The following RBPJ variants were observed in gnomAD, a reference collection of about 807,000 sequenced individuals.
RBPJ encodes the protein recombination signal binding protein for immunoglobulin kappa J region.
RBPJ carries 9 observed loss-of-function variants against 67.8 expected under a neutral mutation model. The observed-to-expected ratio is 0.13, with a 90% CI of 0.08 to 0.23. The LOEUF is 0.23. Among genes scored for constraint, RBPJ ranks in the 10% least tolerant of loss-of-function variants. RBPJ has a pLI of 1.00. For synonymous variants in RBPJ, 198 were observed against 203.3 expected, an observed-to-expected ratio of 0.97 and a Z score of 0.22; for missense variants, 305 against 595.6, an observed-to-expected ratio of 0.51 and a Z score of 5.08.
In RBPJ at chr4:26,250,650, A is replaced by T. The variant is rs965150529; in HGVS notation, c.-167+87036A>T. On this transcript the variant is annotated intron_variant, in intron 1 of 4. Coordinates refer to the RBPJ transcript ENST00000512351. Reference sequence around the variant, plus strand: ...CCTGGCATTCCATTCCTTTTTAAATAATATTTCATTGTCTGTATATACTAC... The same window carrying T: ...CCTGGCATTCCATTCCTTTTTAAATTATATTTCATTGTCTGTATATACTAC... Among the ~76,000 whole-genome samples, 25 of 152,104 alleles carry T rather than the reference A, an allele frequency of 1.6e-4. 1 individual carries two copies. The highest frequency in any genetic ancestry group is 3.7e-4 in the Non-Finnish European group (25 of 67,934).
At chr4:26,117,995 A>G in the RBPJ span, among the ~76,000 whole-genome samples, 2 of 150,220 alleles carry the variant, frequency 1.3e-5, no homozygotes, top group Non-Finnish European at 2.9e-5. Flanking sequence ...TTTTAGATAT[A>G]TTATCCATAT....
intron 3 of RBPJ, among the ~76,000 whole-genome samples, chr4:26,408,119 C>T (rs1733653216): frequency 6.6e-6 from 1 of 151,858 alleles, no homozygotes; most frequent in Admixed American, 6.6e-5. Flanking sequence ...AAGTGATCCG[C>T]CTGCCTCAGC....
At chr4:26,224,141 A>G (rs955709926) in intron 1 of RBPJ, among the ~76,000 whole-genome samples, 2 of 152,120 alleles carry the variant, frequency 1.3e-5, no homozygotes, top group Admixed American at 6.5e-5. Flanking sequence ...TCTGACACAG[A>G]ACATCTATCT....
chr4:26,270,440 G>A (rs56000185), intron 1 of RBPJ, among the ~76,000 whole-genome samples: 1,200 of 95,388 alleles, frequency 0.013, 86 homozygotes, highest in African/African-American at 0.048. Flanking sequence ...AAAGAAAGAA[G>A]AAAGAAAGAA....
intron 4 of RBPJ, among the ~76,000 whole-genome samples, chr4:26,418,586 G>T (rs538521541): frequency 4.6e-5 from 7 of 150,668 alleles, no homozygotes; most frequent in Non-Finnish European, 8.8e-5. Context: ...CTTTTTTTCC[G>T]TTCTTGTTTG....
chr4:26,209,560 TC>T (rs1718293920), intron 1 of RBPJ, among the ~76,000 whole-genome samples: 1 of 107,148 alleles, frequency 9.3e-6, no homozygotes, highest in Non-Finnish European at 2.1e-5. Flanking sequence ...CTTCCCTGTC[TC>T]CCTCCCTTCC....
At chr4:26,270,369 G>GAAAGA (rs1720844117) in intron 1 of RBPJ, among the ~76,000 whole-genome samples, 3 of 31,610 alleles carry the variant, frequency 9.5e-5, no homozygotes, top group African/African-American at 3.5e-4. Flanking sequence ...AAGAAAGAAA[G>GAAAGA]AAAGAAAGAA....
intron 1 of RBPJ, among the ~76,000 whole-genome samples, chr4:26,339,966 G>C (rs2725310): frequency 0.66 from 100,226 of 151,688 alleles, 33,340 homozygotes; most frequent in African/African-American, 0.73. Flanking sequence ...TTGCAGTGAG[G>C]TGAGACCACG....
At chr4:26,126,493 C>T in the RBPJ span, among the ~76,000 whole-genome samples, 1 of 152,250 alleles carries the variant, frequency 6.6e-6, no homozygotes, top group African/African-American at 2.4e-5. Context: ...CTAGGCTTAG[C>T]CAATCAGATG....
chr4:26,275,987 A>G (rs1721068218), intron 1 of RBPJ, among the ~76,000 whole-genome samples: 1 of 147,868 alleles, frequency 6.8e-6, no homozygotes, highest in African/African-American at 2.5e-5. Flanking sequence ...CTTTAAAGCT[A>G]TTGTAGGCTG....
the RBPJ span, among the ~76,000 whole-genome samples, chr4:26,157,454 A>G: frequency 6.6e-6 from 1 of 152,240 alleles, no homozygotes; most frequent in Non-Finnish European, 1.5e-5. Flanking sequence ...AATGAAAAAG[A>G]TAAAAAGGAA....
the RBPJ span, among the ~76,000 whole-genome samples, chr4:26,153,012 C>A: frequency 4.6e-5 from 7 of 152,112 alleles, no homozygotes; most frequent in Admixed American, 6.5e-5. Flanking sequence ...AGATACCATG[C>A]GGATGGCACC....
In RBPJ at chr4:26,415,497, G is replaced by A; in HGVS notation, c.178G>A (p.Val60Ile). Residue 60 changes from valine (V) to isoleucine (I), a missense_variant, in exon 4 of 11, where the codon GTA becomes ATA. Physicochemically the swap from Val to Ile is conservative, Grantham distance 29. Transcript: ENST00000355476. ...CAGGTTTTTTTGCCCACCTCCTTGTGTATATCTTATGGGCAGTGGATGGAA... is the reference window on the plus strand; with the variant it reads ...CAGGTTTTTTTGCCCACCTCCTTGTATATATCTTATGGGCAGTGGATGGAA... ...EKRFFCPPPC[V>I]YLMGSGWKKK... 4 of 1,603,446 alleles carry A rather than the reference G, an allele frequency of 2.5e-6. No homozygotes were observed. The highest frequency in any genetic ancestry group is 3.3e-4 in the Middle Eastern group (2 of 6,008).
intron 1 of RBPJ, among the ~76,000 whole-genome samples, chr4:26,185,191 ATT>A (rs34997614): frequency 8.8e-4 from 129 of 146,112 alleles, no homozygotes; most frequent in Non-Finnish European, 1.5e-3. Flanking sequence ...TCAAGGAGGG[ATT>A]TTTTTTTTTT....
chr4:26,237,359 A>T (rs55663658), intron 1 of RBPJ, among the ~76,000 whole-genome samples: 5,521 of 152,298 alleles, frequency 0.036, 135 homozygotes, highest in Middle Eastern at 0.095. Flanking sequence ...CAAAAAAAAA[A>T]ATCATTATGG....
At chr4:26,187,009 C>T (rs897815660) in intron 1 of RBPJ, among the ~76,000 whole-genome samples, 2 of 151,992 alleles carry the variant, frequency 1.3e-5, no homozygotes, top group Non-Finnish European at 2.9e-5. Context: ...TTGCTTGAGC[C>T]CAGGAGTTCA....
At chr4:26,357,419 A>T (rs1321195732) in intron 1 of RBPJ, among the ~76,000 whole-genome samples, 3 of 152,168 alleles carry the variant, frequency 2.0e-5, no homozygotes, top group African/African-American at 4.8e-5. Context: ...GTCTGGGAGG[A>T]TGAGTAGTGC....
the RBPJ span, among the ~76,000 whole-genome samples, chr4:26,115,552 T>C: frequency 1.3e-5 from 2 of 152,104 alleles, no homozygotes; most frequent in Non-Finnish European, 2.9e-5. Context: ...GTCCAGCTAA[T>C]TTTTTGTATT....
At chr4:26,314,469 C>T (rs573301118) in intron 1 of RBPJ, among the ~76,000 whole-genome samples, 3 of 152,230 alleles carry the variant, frequency 2.0e-5, no homozygotes, top group Non-Finnish European at 4.4e-5. Context: ...AATTGTAACT[C>T]CCAGTGTTGG....
Sources: gnomAD v4.1 joint callset for allele counts (sites outside exome capture counted in the v4.1 genomes callset) on GRCh38, gnomAD v4.1.1 for gene constraint, MANE v1.5 for transcripts, NCBI Gene and HGNC (gene_info 2026-07-23, HGNC 2026-07-21) for gene names.